PRDX6: variants seen among roughly 807,000 people sequenced by gnomAD.
PRDX6 encodes the protein peroxiredoxin-6.
In PRDX6, 13 loss-of-function variants were observed where a neutral mutation model predicts 20.0. The observed-to-expected ratio is 0.65, with a 90% confidence interval of 0.42 to 1.03. The LOEUF (loss-of-function observed/expected upper bound fraction) is 1.03. PRDX6 is among the 50% of genes least tolerant of loss of function. The pLI, the probability that PRDX6 is intolerant of heterozygous loss-of-function variation, is 0.00. For missense variants in PRDX6, 203 were observed against 276.9 expected (o/e 0.73, Z 1.89); for synonymous variants, 85 against 100.8 (o/e 0.84, Z 0.94).
intron 3 of PRDX6, 134 bp downstream of exon 3, chr1:173,485,641 C>G: frequency 1.2e-6 from 1 of 823,488 alleles, no homozygotes; most frequent in African/African-American, 1.8e-5. Flanking sequence ...GACAATATCA[C>G]TGATTATCTG....
At chr1:173,484,688 A>G (rs1229698329) in intron 2 of PRDX6, among the ~76,000 whole-genome samples, 1 of 152,056 alleles carries the variant, frequency 6.6e-6, no homozygotes, top group Non-Finnish European at 1.5e-5. Flanking sequence ...AGGGAAGTGT[A>G]TCATTTTTCT....
intron 2 of PRDX6, among the ~76,000 whole-genome samples, chr1:173,482,159 A>T (rs1658814372): frequency 6.6e-6 from 1 of 152,128 alleles, no homozygotes; most frequent in African/African-American, 2.4e-5. Context: ...TTTATCCTCA[A>T]ACTTGTCAGC....
intron 2 of PRDX6, among the ~76,000 whole-genome samples, chr1:173,483,363 C>T (rs1658834956): frequency 6.6e-6 from 1 of 152,138 alleles, no homozygotes; most frequent in African/African-American, 2.4e-5. Context: ...TATTATTTAG[C>T]TCTGGTGACT....
intron 2 of PRDX6, among the ~76,000 whole-genome samples, chr1:173,484,177 TACACAC>T (rs113530287): frequency 1.9e-5 from 2 of 103,932 alleles, no homozygotes; most frequent in African/African-American, 3.1e-5. Context: ...TTTATATATA[TACACAC>T]ACACACACAT....
Position 173,485,469 on chromosome 1 carries a change from G to A in PRDX6, c.361G>A (p.Glu121Lys), listed in dbSNP as rs948272806. Reference sequence around the variant, plus strand: ...CCTGTTGGGCATGCTGGATCCAGCAGAGAAGGATGAAAAGGGCATGCCTGT... The same window carrying A: ...CCTGTTGGGCATGCTGGATCCAGCAAAGAAGGATGAAAAGGGCATGCCTGT... ...AILLGMLDPAEKDEKGMPVTA... is the reference protein window; with the variant it reads ...AILLGMLDPAKKDEKGMPVTA... Residue 121 changes from glutamate (E) to lysine (K), a missense_variant, in exon 3 of 5, where the codon GAG (glutamate) becomes AAG (lysine). Coordinates refer to ENST00000340385, the MANE Select transcript of PRDX6 (RefSeq NM_004905.3). The A allele has an allele frequency of 6.2e-7, 1 of 1,608,814 alleles. No individual in the cohort carries two copies. The highest frequency in any genetic ancestry group is 8.5e-7 in the Non-Finnish European group (1 of 1,177,456).
chr1:173,481,540 T>C (rs1010488658), intron 2 of PRDX6, 58 bp downstream of exon 2: 1 of 1,546,406 alleles, frequency 6.5e-7, no homozygotes, highest in Non-Finnish European at 8.9e-7. Flanking sequence ...TTATAAATTA[T>C]GGAGTACTTG....
chr1:173,485,111 T>C (rs753295446), intron 2 of PRDX6, among the ~76,000 whole-genome samples: 5 of 152,206 alleles, frequency 3.3e-5, no homozygotes, highest in Non-Finnish European at 7.3e-5. Flanking sequence ...CATGCTGAAT[T>C]TAAGAGAACT....
Position 173,485,500 on chromosome 1 carries a change from C to T in PRDX6, c.392C>T (p.Ala131Val), listed in dbSNP as rs1395920876. 12 of 1,594,644 alleles carry T rather than the reference C, an allele frequency of 7.5e-6. No homozygotes were observed. The highest frequency in any genetic ancestry group is 9.4e-6 in the Non-Finnish European group (11 of 1,169,408). ...GATGAAAAGGGCATGCCTGTGACAG[C>T]TCGTGTGGTAGGTCATACAAATTCA... The part of the protein sequence containing the change: ...EKDEKGMPVT[A>V]RVVFVFGPDK... Residue 131 changes from alanine (A) to valine (V), a missense_variant, in exon 3 of 5, where the codon GCT (alanine) becomes GTT (valine). By Grantham distance (64) the Ala-to-Val change is moderately conservative (BLOSUM62 0). Coordinates refer to ENST00000340385, the MANE Select transcript of PRDX6 (RefSeq NM_004905.3).
intron 3 of PRDX6, among the ~76,000 whole-genome samples, 178 bp from the exon 4 acceptor site, chr1:173,486,077 G>C (rs1330970316): frequency 6.6e-6 from 1 of 152,200 alleles, no homozygotes; most frequent in Admixed American, 6.5e-5. Flanking sequence ...AAATAACAGG[G>C]AGAAGAAAAT....
intron 2 of PRDX6, among the ~76,000 whole-genome samples, chr1:173,482,737 C>A (rs1658825172): frequency 6.6e-6 from 1 of 152,090 alleles, no homozygotes; most frequent in Non-Finnish European, 1.5e-5. Flanking sequence ...GCCAGTTAAT[C>A]CTAAATATCT....
intron 3 of PRDX6, among the ~76,000 whole-genome samples, chr1:173,486,044 T>C (rs1658891686): frequency 6.6e-6 from 1 of 152,240 alleles, no homozygotes; most frequent in Non-Finnish European, 1.5e-5. Flanking sequence ...CAGAACCAAA[T>C]AGAATTCCCT....
chr1:173,481,410 A>T lies in PRDX6; in HGVS notation c.180A>T (p.Glu60Asp), dbSNP rs149535776. The change falls in exon 2 of 5, where the codon GAA (glutamate) becomes GAT (aspartate). Residue 60 changes from glutamate (E) to aspartate (D), a missense_variant. Transcript: ENST00000340385. ...GCAGAGCTGCAAAGCTGGCACCAGA[A>T]TTTGCCAAGAGGAATGTTAAGTTGA... ...ELGRAAKLAP[E>D]FAKRNVKLIA... 1.4e-5 allele frequency: 22 copies of T among 1,613,858 alleles called. 1 individual carries two copies. Among genetic ancestry groups the T allele is most frequent in the South Asian group, 1.2e-4 (11 of 91,082 alleles).
chr1:173,481,558 G>A, intron 2 of PRDX6, 76 bp downstream of exon 2: 3 of 1,468,646 alleles, frequency 2.0e-6, no homozygotes, highest in African/African-American at 1.4e-5. Context: ...TTGGTTTTGA[G>A]GTTAAGGTAC....
chr1:173,477,612 TC>T (rs1658720164), intron 1 of PRDX6, 120 bp downstream of exon 1: 2 of 806,492 alleles, frequency 2.5e-6, no homozygotes, highest in Non-Finnish European at 3.9e-6. Flanking sequence ...GCCCTCGCCT[TC>T]CCCCGCACTG....
At chr1:173,485,278 T>C in intron 2 of PRDX6, 83 bp from the exon 3 acceptor site, 1 of 1,349,534 alleles carries the variant, frequency 7.4e-7, no homozygotes. Context: ...TTTCCTGTCT[T>C]GCAAGGTGAT....
In PRDX6 at chr1:173,481,445, C is replaced by G; in HGVS notation, c.215C>G (p.Ser72Ter). The G allele has an allele frequency of 6.2e-7, 1 of 1,614,088 alleles. No homozygotes were observed. The highest frequency in any genetic ancestry group is 1.3e-5 in the African/African-American group (1 of 75,034). The change falls in exon 2 of 5, where the codon TCA (serine) becomes TGA (stop). Residue 72 changes from serine to a stop codon, truncating the protein, a stop_gained. Transcript: ENST00000340385. LOFTEE classifies it high-confidence loss of function. ...AKRNVKLIAL[S>*]IDSVEDHLAW... is the part of the protein sequence containing the mutation. ...AGGAATGTTAAGTTGATTGCCCTTT[C>G]AATAGACAGTGTTGAGGACCATCTT...
At position 173,488,016 on chromosome 1, in the gene PRDX6, GT is replaced by G; in HGVS notation, c.*156del. On this transcript the variant is annotated 3_prime_UTR_variant, in exon 5 of 5. Coordinates refer to ENST00000340385, the MANE Select transcript of PRDX6 (RefSeq NM_004905.3). ...TTATTAAATGAAAATGGCACTAAAA[GT>G]TTCTTGAGATTCTTTATACTCTCTG... is the stretch of plus-strand genomic sequence containing the variant. The G allele has an allele frequency of 1.2e-6, 1 of 858,004 alleles. No homozygotes were observed. Among genetic ancestry groups the G allele is most frequent in the Non-Finnish European group, 1.8e-6 (1 of 571,338 alleles). The allele number at this position is 858,004 out of a possible 1,614,324, so 53.1% of individuals were successfully genotyped here. A position where few individuals can be genotyped will look rare whatever the true frequency, so the allele number is the denominator to read the frequency against.
intron 1 of PRDX6, among the ~76,000 whole-genome samples, chr1:173,480,085 T>C (rs1490279297): frequency 2.0e-5 from 3 of 152,322 alleles, no homozygotes; most frequent in South Asian, 2.1e-4. Context: ...CTTCAAAAGA[T>C]ATACTCTATG....
chr1:173,478,249 C>G (rs1221100562), intron 1 of PRDX6, among the ~76,000 whole-genome samples: 1 of 152,230 alleles, frequency 6.6e-6, no homozygotes, highest in Non-Finnish European at 1.5e-5. Context: ...GATTCCAGAA[C>G]TTGCAACACT....
Sources: allele counts gnomAD v4.1 joint callset (sites outside exome capture counted in the v4.1 genomes callset), GRCh38; gene constraint gnomAD v4.1.1; transcripts MANE v1.5; gene names NCBI Gene and HGNC (gene_info 2026-07-23, HGNC 2026-07-21).